Variants in LRRC8E observed in about 807,000 individuals in gnomAD.
LRRC8E encodes the protein leucine rich repeat containing 8 VRAC subunit E, also known as volume-regulated anion channel subunit LRRC8E.
Under a neutral mutation model 6.1 loss-of-function variants are expected in LRRC8E, and 6 were observed. The observed-to-expected ratio is 0.98, with a 90% CI of 0.54 to 1.93. The LOEUF (loss-of-function observed/expected upper bound fraction) is 1.93. Ranked by LOEUF, LRRC8E falls within the 30% of genes most tolerant of loss-of-function variation. The pLI is 0.01. For missense variants in LRRC8E, 1,028 were observed against 1,031.4 expected, an observed-to-expected ratio of 1.00 and a Z score of 0.04; for synonymous variants, 485 against 472.8, an observed-to-expected ratio of 1.03 and a Z score of -0.33.
At chr19:7,897,728 CT>C (rs1213309040) in intron 2 of LRRC8E, among the ~76,000 whole-genome samples, 3 of 151,836 alleles carry the variant, frequency 2.0e-5, no homozygotes, top group Non-Finnish European at 4.4e-5. Context: ...TATGTTTCCC[CT>C]TTCTCTAAGG....
chr19:7,892,307 C>T (rs571936221), intron 1 of LRRC8E, among the ~76,000 whole-genome samples: 21 of 151,102 alleles, frequency 1.4e-4, no homozygotes, highest in African/African-American at 4.4e-4. Flanking sequence ...CTCCTGACCT[C>T]GTGATCCACC....
intron 1 of LRRC8E, among the ~76,000 whole-genome samples, chr19:7,889,520 AT>A (rs1981194642): frequency 6.6e-6 from 1 of 151,404 alleles, no homozygotes; most frequent in Non-Finnish European, 1.5e-5. Flanking sequence ...AGGTGGGAGG[AT>A]TGCTTGGACT....
intron 2 of LRRC8E, among the ~76,000 whole-genome samples, chr19:7,897,338 A>AT (rs1477814226): frequency 1.3e-5 from 2 of 151,140 alleles, no homozygotes; most frequent in Non-Finnish European, 2.9e-5. Context: ...CCCGGCTAAT[A>AT]TTTTTTTGTA....
rs1305446632 is a variant in LRRC8E, at chr19:7,895,591, T to A, written c.-5-8T>A. 2.0e-5 allele frequency: 33 copies of A among 1,610,330 alleles called. No individual in the cohort carries two copies. Among genetic ancestry groups the A allele is most frequent in the Non-Finnish European group, 2.8e-5 (33 of 1,176,928 alleles). On this transcript the variant is annotated splice_region_variant and splice_polypyrimidine_tract_variant and intron_variant, in intron 1 of 2. Coordinates refer to ENST00000306708, the MANE Select transcript of LRRC8E (RefSeq NM_025061.6). This position sits in a 1 kb window ranked among gnomAD's most constrained non-coding sequence, Gnocchi z 4.7. ...TCTCTACACCCCCCGTCTCGTCCCG[T>A]CCCACAGGCAGCATGATCCCAGTGG...
At position 7,899,373 on chromosome 19, in the gene LRRC8E, T is replaced by C; in HGVS notation, c.851T>C (p.Val284Ala). The C allele has an allele frequency of 6.2e-7, 1 of 1,614,190 alleles. No homozygotes were observed. ...TATGTGGAGAAGATCAGTTTCCTGG[T>C]GGCCTGTAGGGTGGAGACGTCAGAG... is the stretch of plus-strand genomic sequence containing the variant. Reference protein sequence around the residue: ...LVYVEKISFLVACRVETSEVT... With the variant: ...LVYVEKISFLAACRVETSEVT... The change falls in exon 3 of 3, where the codon GTG becomes GCG. Residue 284 changes from valine (V) to alanine (A), a missense_variant. Transcript: ENST00000306708.
chr19:7,900,719 C>T lies in LRRC8E; in HGVS notation c.2197C>T (p.Gln733Ter). 6.2e-7 allele frequency: 1 copy of T among 1,613,200 alleles called. No homozygotes were observed. Among genetic ancestry groups the T allele is most frequent in the Non-Finnish European group, 8.5e-7 (1 of 1,179,934 alleles). Residue 733 changes from glutamine to a stop codon, truncating the protein, a stop_gained, in exon 3 of 3, where the codon CAG becomes TAG. Coordinates refer to ENST00000306708, the MANE Select transcript of LRRC8E (RefSeq NM_025061.6). LOFTEE classifies it low-confidence loss of function (END_TRUNC). This position sits in a 1 kb window ranked among gnomAD's most constrained non-coding sequence, Gnocchi z 5.0. ...KLRTLLLGDN[Q>*]LSQLSPHVGA... ...GCGGACGTTGCTTCTGGGCGACAAC[C>T]AGCTGAGCCAGCTCTCGCCCCACGT...
rs969627709 is a variant in LRRC8E at position 7,901,399 on chromosome 19, G to C, written c.*486G>C. On this transcript the variant is annotated 3_prime_UTR_variant, in exon 3 of 3. Coordinates refer to ENST00000306708, the MANE Select transcript of LRRC8E (RefSeq NM_025061.6). ...GTGTTATATGTTAGCTCCGAACAAT[G>C]GTTCTCATTTGGCTAAGCATCAAAA... 1.3e-5 allele frequency: 2 copies of C among 152,884 alleles called. No homozygotes were observed. Among genetic ancestry groups the C allele is most frequent in the Admixed American group, 1.3e-4 (2 of 15,302 alleles). The allele number at this position is 152,884 out of a possible 1,614,324, so 9.5% of individuals were successfully genotyped here.
intron 1 of LRRC8E, among the ~76,000 whole-genome samples, chr19:7,891,049 C>T (rs1027495396): frequency 6.6e-6 from 1 of 152,190 alleles, no homozygotes; most frequent in Non-Finnish European, 1.5e-5. Flanking sequence ...AGAGCAGTTG[C>T]AATCCTACAG....
intron 2 of LRRC8E, among the ~76,000 whole-genome samples, chr19:7,896,309 C>T (rs1268196250): frequency 6.7e-6 from 1 of 148,638 alleles, no homozygotes; most frequent in Non-Finnish European, 1.5e-5. Flanking sequence ...CATGGTGGCT[C>T]ACACCTGTAA....
Position 7,895,610 on chromosome 19 carries a change from C to A in LRRC8E, c.7C>A (p.Pro3Thr), listed in dbSNP as rs754644858. 2 of 1,612,840 alleles carry A rather than the reference C, an allele frequency of 1.2e-6. No homozygotes were observed. ...GTCCCGTCCCACAGGCAGCATGATC[C>A]CAGTGGCCGAGTTCAAGCAGTTCAC... MI[P>T]VAEFKQFTEQ... Residue 3 changes from proline to threonine, a missense_variant, in exon 2 of 3, where the codon CCA becomes ACA. Coordinates refer to ENST00000306708, the MANE Select transcript of LRRC8E (RefSeq NM_025061.6). The surrounding 1 kb of genome is among the most constrained non-coding windows in gnomAD (Gnocchi z 4.7).
chr19:7,891,868 C>T lies in LRRC8E; in HGVS notation c.-6+3268C>T, dbSNP rs553972498. ...CAAATTATCCGCCTACCTTGGCCTC[C>T]CAAAGTGCTGGGATTACAGGCGAGA... On this transcript the variant is annotated intron_variant, in intron 1 of 2. Coordinates refer to ENST00000306708, the MANE Select transcript of LRRC8E (RefSeq NM_025061.6). Among the ~76,000 whole-genome samples, 6 of 152,254 alleles carry T rather than the reference C, an allele frequency of 3.9e-5. No individual in the cohort carries two copies. In the South Asian group the frequency reaches 8.3e-4, roughly 21 times the overall value.
chr19:7,898,399 A>G (rs1046141969), intron 2 of LRRC8E, among the ~76,000 whole-genome samples: 2 of 151,752 alleles, frequency 1.3e-5, no homozygotes, highest in African/African-American at 4.8e-5. Context: ...TCACTCTGTC[A>G]CCCAGGCTGG....
chr19:7,900,745 G>A lies in LRRC8E; in HGVS notation c.2223G>A (p.Val741=), dbSNP rs750921252. 4 of 1,612,742 alleles carry A rather than the reference G, an allele frequency of 2.5e-6. No homozygotes were observed. The Admixed American group carries it at 6.7e-5, about 27-fold the overall frequency. ...DNQLSQLSPH[V]GALRALSRLE... is the part of the protein sequence containing the mutation. ...AGCTGAGCCAGCTCTCGCCCCACGT[G>A]GGTGCCCTCAGAGCCCTCAGCCGCC... The change falls in exon 3 of 3, where the codon GTG becomes GTA. Residue 741 remains valine, a synonymous_variant. Coordinates refer to ENST00000306708, the MANE Select transcript of LRRC8E (RefSeq NM_025061.6). This position sits in a 1 kb window ranked among gnomAD's most constrained non-coding sequence, Gnocchi z 5.0.
At position 7,900,756 on chromosome 19, in the gene LRRC8E, G is replaced by A. The variant is rs1440820987; in HGVS notation, c.2234G>A (p.Arg745Lys). The change falls in exon 3 of 3, where the codon AGA (arginine) becomes AAA (lysine). Residue 745 changes from arginine (R) to lysine (K), a missense_variant. Arg to Lys is a conservative substitution (Grantham distance 26). Coordinates refer to ENST00000306708, the MANE Select transcript of LRRC8E (RefSeq NM_025061.6). This position sits in a 1 kb window ranked among gnomAD's most constrained non-coding sequence, Gnocchi z 5.0. ...CTCTCGCCCCACGTGGGTGCCCTCA[G>A]AGCCCTCAGCCGCCTGGAGCTCAAA... ...SQLSPHVGAL[R>K]ALSRLELKGN... 1 of 1,611,926 alleles carries A rather than the reference G, an allele frequency of 6.2e-7. No homozygotes were observed. Among genetic ancestry groups the A allele is most frequent in the East Asian group, 2.2e-5 (1 of 44,844 alleles).
chr19:7,897,078 G>T (rs867263356), intron 2 of LRRC8E, among the ~76,000 whole-genome samples: 4 of 152,162 alleles, frequency 2.6e-5, no homozygotes, highest in African/African-American at 7.2e-5. Flanking sequence ...TCAGTTGTCA[G>T]TGAGGGAGAA....
chr19:7,899,162 G>A lies in LRRC8E; in HGVS notation c.640G>A (p.Val214Met). ...EKVLAEPEKV[V>M]TEPPVVTLLD... ...AGTGCTGGCGGAACCGGAGAAGGTG[G>A]TGACCGAGCCTCCAGTTGTCACCCT... The change falls in exon 3 of 3, where the codon GTG becomes ATG. Residue 214 changes from valine (V) to methionine (M), a missense_variant. Coordinates refer to ENST00000306708, the MANE Select transcript of LRRC8E (RefSeq NM_025061.6). 1 of 1,613,998 alleles carries A rather than the reference G, an allele frequency of 6.2e-7. No individual in the cohort carries two copies. Among genetic ancestry groups the A allele is most frequent in the Non-Finnish European group, 8.5e-7 (1 of 1,179,938 alleles).
chr19:7,890,334 C>A (rs898752206), intron 1 of LRRC8E, among the ~76,000 whole-genome samples: 3 of 152,190 alleles, frequency 2.0e-5, no homozygotes, highest in Admixed American at 6.5e-5. Flanking sequence ...TCCAGCCTGG[C>A]CTGCCACAAT....
Position 7,899,840 on chromosome 19 carries a change from G to A in LRRC8E, c.1318G>A (p.Glu440Lys), listed in dbSNP as rs1344570005. ...PDTVFELSEV[E>K]SLRLEAICDI... ...CACCGTCTTTGAGCTCAGTGAGGTGGAGTCACTCAGGCTGGAGGCCATCTG... is the reference window on the plus strand; with the variant it reads ...CACCGTCTTTGAGCTCAGTGAGGTGAAGTCACTCAGGCTGGAGGCCATCTG... Residue 440 changes from glutamate to lysine, a missense_variant, in exon 3 of 3, where the codon GAG becomes AAG. Transcript: ENST00000306708. The A allele has an allele frequency of 6.2e-7, 1 of 1,606,512 alleles. No individual in the cohort carries two copies.
At position 7,900,382 on chromosome 19, in the gene LRRC8E, C is replaced by T. The variant is rs374009983; in HGVS notation, c.1860C>T (p.Ile620=). The T allele has an allele frequency of 1.2e-6, 2 of 1,612,854 alleles. No homozygotes were observed. The highest frequency in any genetic ancestry group is 1.7e-6 in the Non-Finnish European group (2 of 1,179,850). The change falls in exon 3 of 3, where the codon ATC becomes ATT. Residue 620 remains isoleucine, a synonymous_variant. Coordinates refer to ENST00000306708, the MANE Select transcript of LRRC8E (RefSeq NM_025061.6). The surrounding 1 kb of genome is among the most constrained non-coding windows in gnomAD (Gnocchi z 5.0). ...LDLKDNHLRS[I]EEILSFQHCR... is the part of the protein sequence containing the mutation. ...TCAAGGACAACCACCTGCGCTCCATCGAGGAAATCCTCAGCTTCCAGCACT... is the reference window on the plus strand; with the variant it reads ...TCAAGGACAACCACCTGCGCTCCATTGAGGAAATCCTCAGCTTCCAGCACT...
Sources: gnomAD v4.1 joint callset for allele counts (sites outside exome capture counted in the v4.1 genomes callset) on GRCh38, gnomAD v4.1.1 for gene constraint, Gnocchi (gnomAD v3.1) non-coding constraint, MANE v1.5 for transcripts, NCBI Gene and HGNC (gene_info 2026-07-23, HGNC 2026-07-21) for gene names.